ADCY2: variants seen among roughly 807,000 people sequenced by gnomAD.
ADCY2 encodes the protein adenylate cyclase type 2.
ADCY2 carries 31 observed loss-of-function variants against 125.2 expected under a neutral mutation model. The observed-to-expected ratio is 0.25, with a 90% CI of 0.19 to 0.33. The LOEUF (loss-of-function observed/expected upper bound fraction) is 0.33, where lower values mean the gene tolerates loss of function less well. Among genes scored for constraint, ADCY2 ranks in the 10% least tolerant of loss-of-function variants. The pLI is 1.00. For synonymous variants in ADCY2, 512 were observed against 548.4 expected (o/e 0.93, Z 0.93); for missense variants, 904 against 1,418.2 (o/e 0.64, Z 5.82).
intron 16 of ADCY2, among the ~76,000 whole-genome samples, chr5:7,764,417 C>A (rs11134261): frequency 0.15 from 23,479 of 152,116 alleles, 2,460 homozygotes; most frequent in East Asian, 0.63. Flanking sequence ...AATCTGTGAG[C>A]CACCCAGACA....
chr5:7,803,832 G>A (rs766563074), intron 21 of ADCY2, among the ~76,000 whole-genome samples: 1 of 151,760 alleles, frequency 6.6e-6, no homozygotes. Flanking sequence ...CCTGGAAGAT[G>A]GAGGCTGCAC....
rs866113571 is a variant in ADCY2, at chr5:7,695,803, C to T, written c.921C>T (p.Ser307=). 2 of 1,613,016 alleles carry T rather than the reference C, an allele frequency of 1.2e-6. No individual in the cohort carries two copies. The highest frequency in any genetic ancestry group is 1.7e-6 in the Non-Finnish European group (2 of 1,179,420). ...VGFTRLASDC[S]PGELVHMLNE... is the part of the protein sequence containing the mutation. ...TTACCCGGCTGGCAAGTGACTGCTCCCCGGGAGAACTAGTCCACATGCTGA... is the reference window on the plus strand; with the variant it reads ...TTACCCGGCTGGCAAGTGACTGCTCTCCGGGAGAACTAGTCCACATGCTGA... The change falls in exon 6 of 25, where the codon TCC becomes TCT. Residue 307 remains serine, a synonymous_variant. Coordinates refer to ENST00000338316, the MANE Select transcript of ADCY2 (RefSeq NM_020546.3).
intron 14 of ADCY2, among the ~76,000 whole-genome samples, chr5:7,740,968 A>G (rs1348295643): frequency 6.6e-6 from 1 of 152,106 alleles, no homozygotes; most frequent in Non-Finnish European, 1.5e-5. Context: ...ATAGAAAGAA[A>G]GAACAGACCT....
At chr5:7,617,336 GAAGGCAGCCGTCTGC>G (rs1228342708) in intron 3 of ADCY2, among the ~76,000 whole-genome samples, 1 of 152,172 alleles carries the variant, frequency 6.6e-6, no homozygotes, top group African/African-American at 2.4e-5. Flanking sequence ...GTCACAGCAA[GAAGGCAGCCGTCTGC>G]AAGCCAAGGA....
intron 3 of ADCY2, among the ~76,000 whole-genome samples, chr5:7,623,245 A>T (rs1738015203): frequency 6.6e-6 from 1 of 152,174 alleles, no homozygotes; most frequent in Admixed American, 6.5e-5. Flanking sequence ...TTTTCTGAGG[A>T]GGAAGAGAAA....
chr5:7,465,345 C>T (rs1742076158), intron 2 of ADCY2, among the ~76,000 whole-genome samples: 2 of 152,160 alleles, frequency 1.3e-5, no homozygotes, highest in African/African-American at 2.4e-5. Flanking sequence ...CATATGGATG[C>T]GTCCTAAGTC....
chr5:7,781,214 G>T (rs1560987035), intron 18 of ADCY2, among the ~76,000 whole-genome samples: 1 of 152,008 alleles, frequency 6.6e-6, no homozygotes, highest in Non-Finnish European at 1.5e-5. Flanking sequence ...AGAGAGGGAG[G>T]AGAGAGAGCT....
intron 3 of ADCY2, among the ~76,000 whole-genome samples, chr5:7,574,051 A>G (rs971715974): frequency 5.0e-5 from 6 of 120,232 alleles, no homozygotes; most frequent in Non-Finnish European, 7.3e-5. Context: ...GAGAATGATG[A>G]TTTCCAATTT....
intron 3 of ADCY2, among the ~76,000 whole-genome samples, chr5:7,578,565 T>G (rs1281768932): frequency 6.6e-6 from 1 of 152,194 alleles, no homozygotes; most frequent in Non-Finnish European, 1.5e-5. Context: ...TTAGGTTTTT[T>G]TGCAATAAAT....
chr5:7,513,078 GACACACAC>G (rs142515106), intron 2 of ADCY2, among the ~76,000 whole-genome samples: 128 of 124,074 alleles, frequency 1.0e-3, no homozygotes, highest in Admixed American at 1.7e-3. Context: ...GAAAATACAT[GACACACAC>G]ACACACACAC....
At chr5:7,747,778 G>C (rs1742675579) in intron 15 of ADCY2, among the ~76,000 whole-genome samples, 1 of 152,214 alleles carries the variant, frequency 6.6e-6, no homozygotes, top group Non-Finnish European at 1.5e-5. Flanking sequence ...TATTCTTGTG[G>C]ATGGAAAGAT....
chr5:7,665,920 G>A (rs1385812409), intron 4 of ADCY2, among the ~76,000 whole-genome samples: 2 of 121,208 alleles, frequency 1.7e-5, no homozygotes, highest in African/African-American at 6.3e-5. Context: ...CTCACTGCAA[G>A]CTCTGCCTCC....
In ADCY2 at chr5:7,578,085, A is replaced by G. The variant is rs1334696253; in HGVS notation, c.571-48082A>G. 3.9e-5 allele frequency among the ~76,000 whole-genome samples: 6 copies of G among 152,330 alleles called. No individual in the cohort carries two copies. In the East Asian group the frequency reaches 5.8e-4, roughly 15 times the overall value. ...AACAGAGCTCCCTCCAGCTATCTCA[A>G]ATAAAAGCCAACAGACTGAAGGCTC... is the stretch of plus-strand genomic sequence containing the variant. On this transcript the variant is annotated intron_variant, in intron 3 of 24. Transcript: ENST00000338316.
chr5:7,780,211 A>G (rs539010195), intron 18 of ADCY2, among the ~76,000 whole-genome samples: 1 of 152,306 alleles, frequency 6.6e-6, no homozygotes, highest in African/African-American at 2.4e-5. Flanking sequence ...ACCTCAGATT[A>G]GTTTTCTGGG....
chr5:7,744,978 G>A, intron 15 of ADCY2, among the ~76,000 whole-genome samples: 1 of 152,178 alleles, frequency 6.6e-6, no homozygotes, highest in East Asian at 1.9e-4. Context: ...GAGGTTTGTG[G>A]CCTGTCTGTT....
chr5:7,708,015 A>G, intron 9 of ADCY2, 177 bp downstream of exon 9: 1 of 694,000 alleles, frequency 1.4e-6, no homozygotes, highest in Non-Finnish European at 2.3e-6. Flanking sequence ...GAATTCAAAT[A>G]CTTATTAAAT....
intron 3 of ADCY2, among the ~76,000 whole-genome samples, chr5:7,552,436 T>G (rs1735372232): frequency 6.6e-6 from 1 of 152,222 alleles, no homozygotes; most frequent in African/African-American, 2.4e-5. Context: ...ATTGCAAATC[T>G]TTTTTCTTTC....
chr5:7,533,147 A>G (rs950778383), intron 3 of ADCY2, among the ~76,000 whole-genome samples: 7 of 150,924 alleles, frequency 4.6e-5, no homozygotes, highest in East Asian at 1.9e-4. Context: ...TATATTAAAT[A>G]TTGTTTTCTA....
intron 7 of ADCY2, among the ~76,000 whole-genome samples, chr5:7,703,164 T>G (rs774808491): frequency 0.035 from 5,328 of 152,350 alleles, 132 homozygotes; most frequent in Non-Finnish European, 0.053. Context: ...AAAAATTTTC[T>G]CCCATTCTGT....
Sources: allele counts gnomAD v4.1 joint callset (sites outside exome capture counted in the v4.1 genomes callset), GRCh38; gene constraint gnomAD v4.1.1; transcripts MANE v1.5; gene names NCBI Gene and HGNC (gene_info 2026-07-23, HGNC 2026-07-21).